MAP3K21: variants seen among roughly 807,000 people sequenced by gnomAD.
The protein encoded by MAP3K21 is mitogen-activated protein kinase kinase kinase MLK4.
Under a neutral mutation model 86.1 loss-of-function variants are expected in MAP3K21, and 63 were observed. The observed-to-expected ratio is 0.73, with a 90% confidence interval of 0.60 to 0.90. The LOEUF is 0.90. Among genes scored for constraint, MAP3K21 ranks in the 40% least tolerant of loss-of-function variants. The probability of loss-of-function intolerance (pLI) is 0.00; values close to 1 mark genes in which losing one functional copy is unlikely to be tolerated. For synonymous variants in MAP3K21, 558 were observed against 564.8 expected (o/e 0.99, Z 0.17); for missense variants, 1,220 against 1,367.7 (o/e 0.89, Z 1.70).
At chr1:233,349,671 G>A (rs941020735) in intron 2 of MAP3K21, among the ~76,000 whole-genome samples, 1 of 152,206 alleles carries the variant, frequency 6.6e-6, no homozygotes, top group Non-Finnish European at 1.5e-5. Flanking sequence ...GGGCATGGTG[G>A]CTCATGCCTG....
chr1:233,334,524 C>T (rs1662876517), intron 1 of MAP3K21, among the ~76,000 whole-genome samples: 1 of 152,144 alleles, frequency 6.6e-6, no homozygotes, highest in Non-Finnish European at 1.5e-5. Flanking sequence ...TAAATACTGG[C>T]ATAAAAACAT....
At chr1:233,368,422 G>A (rs1359042105) in intron 5 of MAP3K21, among the ~76,000 whole-genome samples, 2 of 152,164 alleles carry the variant, frequency 1.3e-5, no homozygotes, top group Non-Finnish European at 2.9e-5. Flanking sequence ...CAGAGGCCAA[G>A]GCAGGTGGAT....
intron 4 of MAP3K21, among the ~76,000 whole-genome samples, chr1:233,360,402 A>G (rs1004722850): frequency 6.6e-6 from 1 of 152,194 alleles, no homozygotes; most frequent in African/African-American, 2.4e-5. Flanking sequence ...AATAAAAACC[A>G]ACTGATAGGC....
chr1:233,355,990 C>T (rs1663345373), intron 4 of MAP3K21, among the ~76,000 whole-genome samples: 1 of 152,160 alleles, frequency 6.6e-6, no homozygotes, highest in South Asian at 2.1e-4. Context: ...ACATCTCCAC[C>T]GCCCCTGTCC....
Position 233,382,413 on chromosome 1 carries a change from C to T in MAP3K21, c.2813C>T (p.Thr938Ile), listed in dbSNP as rs1409269663. 1.2e-6 allele frequency: 2 copies of T among 1,614,078 alleles called. No homozygotes were observed. Among genetic ancestry groups the T allele is most frequent in the South Asian group, 1.1e-5 (1 of 91,074 alleles). Residue 938 changes from threonine (T) to isoleucine (I), a missense_variant, in exon 10 of 10, where the codon ACT becomes ATT. Thr to Ile is a moderately conservative substitution (Grantham distance 89, BLOSUM62 -1). Coordinates refer to ENST00000366624, the MANE Select transcript of MAP3K21 (RefSeq NM_032435.3). ...PREVSPKKHSTVHIVPQRRPA... is the reference protein window; with the variant it reads ...PREVSPKKHSIVHIVPQRRPA... ...GAGGTCTCACCCAAGAAGCACAGCA[C>T]TGTCCACATCGTGCCTCAGCGTCGC...
At chr1:233,338,454 C>G (rs1662956839) in intron 1 of MAP3K21, among the ~76,000 whole-genome samples, 2 of 152,160 alleles carry the variant, frequency 1.3e-5, no homozygotes, top group South Asian at 4.1e-4. Context: ...TGTGTAGTAT[C>G]TTGGAGAGTG....
At position 233,328,217 on chromosome 1, in the gene MAP3K21, G is replaced by T. The variant is rs12029639; in HGVS notation, c.189G>T (p.Gln63His). Residue 63 changes from glutamine to histidine, a missense_variant, in exon 1 of 10, where the codon CAG (glutamine) becomes CAT (histidine). Gln to His is a conservative substitution (Grantham distance 24). Transcript: ENST00000366624. This position sits in a 1 kb window ranked among gnomAD's most constrained non-coding sequence, Gnocchi z 8.7. ...ACGAGCTGAGCCTGCGGCGCGGCCA[G>T]CTGGTGGAGGTGCTGTCGCAGGACG... The part of the protein sequence containing the change: ...GEDELSLRRG[Q>H]LVEVLSQDAA... 8.1e-6 allele frequency: 12 copies of T among 1,489,210 alleles called. No homozygotes were observed. In the African/African-American group the frequency reaches 1.0e-4, roughly 13 times the overall value. 92.2% of individuals were successfully genotyped at this position (1,489,210 alleles called of 1,614,324 possible). A position where few individuals can be genotyped will look rare whatever the true frequency, so the allele number is the denominator to read the frequency against.
chr1:233,376,378 T>A, intron 7 of MAP3K21, 52 bp from the exon 8 acceptor site: 1 of 1,275,568 alleles, frequency 7.8e-7, no homozygotes, highest in Non-Finnish European at 1.1e-6. Flanking sequence ...CAAAACCTAA[T>A]TGGTGTGTTG....
chr1:233,357,195 A>C (rs185154233), intron 4 of MAP3K21, among the ~76,000 whole-genome samples: 2 of 152,296 alleles, frequency 1.3e-5, no homozygotes, highest in East Asian at 3.9e-4. Flanking sequence ...ATAGGTGGGA[A>C]TTGAACAATG....
Position 233,345,058 on chromosome 1 carries a change from C to G in MAP3K21, c.806-1384C>G, listed in dbSNP as rs186169645. ...TACCATCTCACACCAGTTAGAAGGG[C>G]GACCATTAAAAAGTCAGGAAACAAC... is the stretch of plus-strand genomic sequence containing the variant. On this transcript the variant is annotated intron_variant, in intron 1 of 9. Transcript: ENST00000366624. Among the ~76,000 whole-genome samples, 200 of 152,162 alleles carry G rather than the reference C, an allele frequency of 1.3e-3. 1 individual carries two copies. Among genetic ancestry groups the G allele is most frequent in the African/African-American group, 4.7e-3 (196 of 41,492 alleles).
At chr1:233,354,737 G>T in intron 3 of MAP3K21, 99 bp from the exon 4 acceptor site, 2 of 983,926 alleles carry the variant, frequency 2.0e-6, no homozygotes, top group South Asian at 2.9e-5. Context: ...AGTTTGGAAT[G>T]ACAAATGTTA....
intron 2 of MAP3K21, among the ~76,000 whole-genome samples, chr1:233,353,430 G>A (rs1663289078): frequency 6.6e-6 from 1 of 152,178 alleles, no homozygotes; most frequent in African/African-American, 2.4e-5. Flanking sequence ...TCCTCAAGAG[G>A]TTTTATTTAA....
In MAP3K21 at chr1:233,328,519, C is replaced by A; in HGVS notation, c.491C>A (p.Ala164Asp). The change falls in exon 1 of 10, where the codon GCT (alanine) becomes GAT (aspartate). Residue 164 changes from alanine (A) to aspartate (D), a missense_variant. Physicochemically the swap from Ala to Asp is moderately radical, Grantham distance 126. This residue lies in a region of MAP3K21 where 369 missense variants were observed against 385.3 expected (regional missense o/e 0.96). Coordinates refer to ENST00000366624, the MANE Select transcript of MAP3K21 (RefSeq NM_032435.3). The surrounding 1 kb of genome is among the most constrained non-coding windows in gnomAD (Gnocchi z 8.7). The part of the protein sequence containing the change: ...RQDPEQDAAA[A>D]AESVRREARL... ...GACCCGGAGCAGGACGCGGCGGCGG[C>A]TGCCGAGAGCGTGCGGCGCGAGGCT... is the stretch of plus-strand genomic sequence containing the variant. 1 of 1,528,138 alleles carries A rather than the reference C, an allele frequency of 6.5e-7. No individual in the cohort carries two copies. Among genetic ancestry groups the A allele is most frequent in the African/African-American group, 1.4e-5 (1 of 70,034 alleles). The allele number at this position is 1,528,138 out of a possible 1,614,324, so 94.7% of individuals were successfully genotyped here.
At chr1:233,374,363 A>G (rs1356840733) in intron 6 of MAP3K21, among the ~76,000 whole-genome samples, 2 of 151,948 alleles carry the variant, frequency 1.3e-5, no homozygotes, top group Non-Finnish European at 2.9e-5. Flanking sequence ...TTTAGTAAAG[A>G]CGGAGTTTCA....
intron 5 of MAP3K21, among the ~76,000 whole-genome samples, chr1:233,368,406 C>T (rs1243826259): frequency 2.0e-5 from 3 of 152,174 alleles, no homozygotes; most frequent in African/African-American, 7.2e-5. Flanking sequence ...TCATCCCAAG[C>T]ACTTTCAGAG....
chr1:233,382,527 G>C lies in MAP3K21; in HGVS notation c.2927G>C (p.Gly976Ala). ...SQLAQTACVV[G>A]RPGPHPTQFL... ...CTGGCACAGACTGCCTGTGTAGTGG[G>C]TCGCCCAGGACCACATCCCACCCAA... Residue 976 changes from glycine (G) to alanine (A), a missense_variant, in exon 10 of 10, where the codon GGT becomes GCT. Physicochemically the swap from Gly to Ala is moderately conservative, Grantham distance 60. Transcript: ENST00000366624. 1 of 1,614,106 alleles carries C rather than the reference G, an allele frequency of 6.2e-7. No individual in the cohort carries two copies. Among genetic ancestry groups the C allele is most frequent in the Non-Finnish European group, 8.5e-7 (1 of 1,180,028 alleles).
chr1:233,358,057 G>T (rs61826113), intron 4 of MAP3K21, among the ~76,000 whole-genome samples: 1 of 147,688 alleles, frequency 6.8e-6, no homozygotes, highest in African/African-American at 2.5e-5. Flanking sequence ...TGTGCCTGAT[G>T]GGTTTTTTTT....
In MAP3K21 at chr1:233,328,083, G is replaced by C; in HGVS notation, c.55G>C (p.Gly19Arg). ...ATDTPVSSAG[G>R]APGGSASSSS... is the part of the protein sequence containing the mutation. ...CGACACCCCGGTGTCCTCGGCCGGG[G>C]GAGCCCCCGGCGGCTCAGCGTCCTC... Residue 19 changes from glycine to arginine, a missense_variant, in exon 1 of 10, where the codon GGA becomes CGA. By Grantham distance (125) the Gly-to-Arg change is moderately radical. Transcript: ENST00000366624. This position sits in a 1 kb window ranked among gnomAD's most constrained non-coding sequence, Gnocchi z 8.7. The C allele has an allele frequency of 7.4e-7, 1 of 1,360,100 alleles. No homozygotes were observed. Among genetic ancestry groups the C allele is most frequent in the Non-Finnish European group, 9.4e-7 (1 of 1,063,598 alleles). The allele number at this position is 1,360,100 out of a possible 1,614,324, so 84.3% of individuals were successfully genotyped here. A position where few individuals can be genotyped will look rare whatever the true frequency, so the allele number is the denominator to read the frequency against.
At chr1:233,343,010 C>A (rs192549651) in intron 1 of MAP3K21, among the ~76,000 whole-genome samples, 3 of 152,266 alleles carry the variant, frequency 2.0e-5, no homozygotes, top group African/African-American at 7.2e-5. Flanking sequence ...AAAGTTGTAA[C>A]CCAACAGTAT....
Sources: gnomAD v4.1 joint callset for allele counts (sites outside exome capture counted in the v4.1 genomes callset) on GRCh38, gnomAD v4.1.1 for gene constraint, gnomAD v4.1.1 regional missense constraint, Gnocchi (gnomAD v3.1) non-coding constraint, MANE v1.5 for transcripts, NCBI Gene and HGNC (gene_info 2026-07-23, HGNC 2026-07-21) for gene names.